Variants in PDSS2 observed in about 807,000 individuals in gnomAD.
PDSS2 encodes the protein all trans-polyprenyl-diphosphate synthase PDSS2.
In PDSS2, 31 loss-of-function variants were observed where a neutral mutation model predicts 44.5. The observed-to-expected ratio is 0.70, with a 90% CI of 0.52 to 0.94. The LOEUF is 0.94. PDSS2 is among the 40% of genes least tolerant of loss of function. The probability of loss-of-function intolerance (pLI) is 0.00; values close to 1 mark genes in which losing one functional copy is unlikely to be tolerated. For missense variants in PDSS2, 452 were observed against 482.2 expected (o/e 0.94, Z 0.59); for synonymous variants, 157 against 180.3 (o/e 0.87, Z 1.03).
chr6:107,285,306 C>T (rs1776103493), intron 2 of PDSS2, among the ~76,000 whole-genome samples: 1 of 152,004 alleles, frequency 6.6e-6, no homozygotes, highest in South Asian at 2.1e-4. Context: ...AAGAGGGCTG[C>T]CGTTCTAGAT....
chr6:107,405,142 AG>A (rs1780270737), intron 1 of PDSS2, among the ~76,000 whole-genome samples: 1 of 150,436 alleles, frequency 6.6e-6, no homozygotes, highest in African/African-American at 2.4e-5. Context: ...AAATGCTTAA[AG>A]AAAAAAAAAA....
chr6:107,275,572 T>C (rs1159419915), intron 2 of PDSS2, among the ~76,000 whole-genome samples: 1 of 152,016 alleles, frequency 6.6e-6, no homozygotes, highest in East Asian at 1.9e-4. Context: ...GTCACAGGCG[T>C]TGCATGACCC....
At chr6:107,272,798 C>T (rs780422294) in intron 3 of PDSS2, among the ~76,000 whole-genome samples, 4 of 152,002 alleles carry the variant, frequency 2.6e-5, no homozygotes, top group Non-Finnish European at 4.4e-5. Context: ...GCCTGGGCAA[C>T]ACAGTGAGAC....
At chr6:107,443,770 G>A (rs1781581148) in intron 1 of PDSS2, among the ~76,000 whole-genome samples, 2 of 152,110 alleles carry the variant, frequency 1.3e-5, no homozygotes, top group South Asian at 4.1e-4. Context: ...CACATGACCT[G>A]ACTCATATCC....
At chr6:107,372,427 A>G (rs1779153526) in intron 1 of PDSS2, among the ~76,000 whole-genome samples, 1 of 152,042 alleles carries the variant, frequency 6.6e-6, no homozygotes, top group Non-Finnish European at 1.5e-5. Context: ...GGGTTAAAGC[A>G]TGTTTCATCA....
intron 7 of PDSS2, among the ~76,000 whole-genome samples, chr6:107,189,268 G>A (rs139835657): frequency 0.012 from 1,813 of 151,940 alleles, 31 homozygotes; most frequent in African/African-American, 0.042. Flanking sequence ...GGCTGGTCTC[G>A]AACTCCTGAG....
intron 1 of PDSS2, among the ~76,000 whole-genome samples, chr6:107,378,858 A>G (rs1317188568): frequency 6.6e-6 from 1 of 152,208 alleles, no homozygotes; most frequent in Admixed American, 6.5e-5. Flanking sequence ...GACTGGGGTT[A>G]TGAGTTTCTG....
At chr6:107,191,203 G>C (rs1034537719) in intron 7 of PDSS2, among the ~76,000 whole-genome samples, 3 of 152,164 alleles carry the variant, frequency 2.0e-5, no homozygotes, top group Admixed American at 2.0e-4. Flanking sequence ...GAGCAATGAA[G>C]GGTTTTAAGC....
chr6:107,386,718 A>T (rs563826230), intron 1 of PDSS2, among the ~76,000 whole-genome samples: 1 of 152,346 alleles, frequency 6.6e-6, no homozygotes, highest in South Asian at 2.1e-4. Context: ...TACTTTATCA[A>T]TGAAGCTAAC....
intron 1 of PDSS2, among the ~76,000 whole-genome samples, chr6:107,370,264 A>G (rs936075938): frequency 1.3e-5 from 2 of 152,220 alleles, no homozygotes; most frequent in African/African-American, 4.8e-5. Flanking sequence ...AACTACTCGC[A>G]AGGTCTCGAG....
chr6:107,249,591 TA>T (rs529365281), intron 3 of PDSS2, among the ~76,000 whole-genome samples: 14 of 149,006 alleles, frequency 9.4e-5, no homozygotes, highest in South Asian at 2.1e-4. Context: ...CACATGCAAA[TA>T]AAAAAAAAAT....
chr6:107,273,150 A>T (rs945178006), intron 3 of PDSS2, among the ~76,000 whole-genome samples: 3 of 151,832 alleles, frequency 2.0e-5, no homozygotes, highest in Non-Finnish European at 4.4e-5. Context: ...ACGCCCAGTT[A>T]ATTTTTTATT....
chr6:107,333,099 AT>A (rs1200813254), intron 2 of PDSS2, among the ~76,000 whole-genome samples: 1 of 152,234 alleles, frequency 6.6e-6, no homozygotes, highest in African/African-American at 2.4e-5. Flanking sequence ...TTTAAAAAAA[AT>A]AGATTTATTT....
chr6:107,413,035 T>C (rs1562523647), intron 1 of PDSS2, among the ~76,000 whole-genome samples: 1 of 152,236 alleles, frequency 6.6e-6, no homozygotes, highest in South Asian at 2.1e-4. Flanking sequence ...CCAAATACCT[T>C]ACTTTAATTG....
Position 107,206,411 on chromosome 6 carries a change from T to A in PDSS2, c.1008+4028A>T, listed in dbSNP as rs186846970. Among the ~76,000 whole-genome samples the A allele has an allele frequency of 3.1e-3, 467 of 152,286 alleles. 2 individuals are homozygous for A. The highest frequency in any genetic ancestry group is 0.01 in the Middle Eastern group (3 of 294). On this transcript the variant is annotated intron_variant, in intron 6 of 7. Coordinates refer to ENST00000369037, the MANE Select transcript of PDSS2 (RefSeq NM_020381.4). ...ATAAATATTTTTCTTATAATGCATC[T>A]CTTGTCTAAGAGAACTAGTTCTTGG...
intron 3 of PDSS2, among the ~76,000 whole-genome samples, chr6:107,266,377 C>A (rs1775411580): frequency 6.7e-6 from 1 of 149,464 alleles, no homozygotes; most frequent in East Asian, 1.9e-4. Flanking sequence ...AAAAGTGAAC[C>A]CCTGAGGCAT....
At chr6:107,452,837 T>C (rs1338545872) in intron 1 of PDSS2, among the ~76,000 whole-genome samples, 2 of 151,714 alleles carry the variant, frequency 1.3e-5, no homozygotes, top group Non-Finnish European at 2.9e-5. Flanking sequence ...CAGCTAATTT[T>C]TGTATTTCTA....
chr6:107,274,022 A>G lies in PDSS2; in HGVS notation c.630+7T>C, dbSNP rs1489078347. On this transcript the variant is annotated splice_region_variant and intron_variant, in intron 3 of 7. Coordinates refer to ENST00000369037, the MANE Select transcript of PDSS2 (RefSeq NM_020381.4). ...TTCAGGTACAACAAAACCCTGCCCA[A>G]TTTTACCTTGGTGTTCTGTAGCAGA... 2 of 1,613,226 alleles carry G rather than the reference A, an allele frequency of 1.2e-6. No homozygotes were observed. Among genetic ancestry groups the G allele is most frequent in the Non-Finnish European group, 1.7e-6 (2 of 1,179,300 alleles).
intron 1 of PDSS2, among the ~76,000 whole-genome samples, chr6:107,369,843 A>G (rs1053972444): frequency 2.6e-5 from 4 of 152,134 alleles, no homozygotes; most frequent in Non-Finnish European, 5.9e-5. Flanking sequence ...TGTCTCTACA[A>G]ATAAAAAAAT....
Sources: gnomAD v4.1 joint callset for allele counts (sites outside exome capture counted in the v4.1 genomes callset) on GRCh38, gnomAD v4.1.1 for gene constraint, MANE v1.5 for transcripts, NCBI Gene and HGNC (gene_info 2026-07-23, HGNC 2026-07-21) for gene names.